The following SLCO2A1 variants were observed in gnomAD, a reference collection of about 807,000 sequenced individuals.
SLCO2A1 encodes solute carrier organic anion transporter family member 2A1, also known as matrin F/G 1.
A neutral mutation model predicts 71.7 loss-of-function variants in SLCO2A1; 60 were observed. That is an observed-to-expected ratio of 0.84 (90% CI 0.68 to 1.04). SLCO2A1 has a LOEUF of 1.04. Among genes scored for constraint, SLCO2A1 ranks in the 50% least tolerant of loss-of-function variants. SLCO2A1 has a pLI of 0.00. For missense variants in SLCO2A1, 745 were observed against 813.4 expected (o/e 0.92, Z 1.02); for synonymous variants, 308 against 326.7 (o/e 0.94, Z 0.62).
intron 3 of SLCO2A1, among the ~76,000 whole-genome samples, chr3:133,959,994 C>T (rs1933997397): frequency 6.6e-6 from 1 of 152,224 alleles, no homozygotes; most frequent in Non-Finnish European, 1.5e-5. Flanking sequence ...GTGGCTCGCA[C>T]TTGTAGTCCC....
rs1933242179 is a variant in SLCO2A1, at chr3:133,935,368, G to A, written c.1814+406C>T. On this transcript the variant is annotated intron_variant, in intron 13 of 13. Transcript: ENST00000310926. ...TGAGGCAGGTTGGTCCCCCTGCCCT[G>A]GACCTCTGCCAGGAGCCATGATGTG... Among the ~76,000 whole-genome samples, 2 of 152,206 alleles carry A rather than the reference G, an allele frequency of 1.3e-5. 1 individual carries two copies. Among genetic ancestry groups the A allele is most frequent in the South Asian group, 4.1e-4 (2 of 4,830 alleles).
intron 1 of SLCO2A1, among the ~76,000 whole-genome samples, chr3:134,008,366 A>G (rs1164486886): frequency 1.3e-5 from 2 of 152,206 alleles, no homozygotes; most frequent in African/African-American, 2.4e-5. Context: ...CAGGAGGTCA[A>G]TAAGAATAAA....
At chr3:133,972,256 T>C (rs1042249460) in intron 3 of SLCO2A1, among the ~76,000 whole-genome samples, 2 of 152,084 alleles carry the variant, frequency 1.3e-5, no homozygotes, top group South Asian at 2.1e-4. Context: ...ATGTAAAAAA[T>C]GGGTTTGACA....
chr3:133,958,670 A>G (rs1022212854), intron 3 of SLCO2A1, among the ~76,000 whole-genome samples: 1 of 152,200 alleles, frequency 6.6e-6, no homozygotes, highest in Non-Finnish European at 1.5e-5. Context: ...CAACACGCAC[A>G]CTTCTCTGCT....
intron 1 of SLCO2A1, among the ~76,000 whole-genome samples, chr3:134,001,917 C>T (rs762954906): frequency 7.2e-5 from 11 of 152,160 alleles, no homozygotes; most frequent in Non-Finnish European, 1.5e-4. Context: ...GGCGAGTAGA[C>T]CACAGCGATC....
At chr3:133,975,812 C>A (rs531521978) in intron 2 of SLCO2A1, among the ~76,000 whole-genome samples, 15 of 152,196 alleles carry the variant, frequency 9.9e-5, no homozygotes, top group Non-Finnish European at 1.8e-4. Flanking sequence ...ATTGAATCAT[C>A]TCAAGAAGGT....
At chr3:133,995,643 G>A (rs1291823944) in intron 1 of SLCO2A1, among the ~76,000 whole-genome samples, 1 of 152,168 alleles carries the variant, frequency 6.6e-6, no homozygotes, top group Non-Finnish European at 1.5e-5. Flanking sequence ...CACCATGAGT[G>A]TTTAGGGCCC....
chr3:133,973,940 T>G, intron 2 of SLCO2A1, 115 bp from the exon 3 acceptor site: 2 of 1,058,738 alleles, frequency 1.9e-6, no homozygotes, highest in South Asian at 3.3e-5. Flanking sequence ...GGCTGCCCAG[T>G]GTCAGCTGGG....
chr3:133,986,145 A>T (rs1356664818), intron 1 of SLCO2A1, among the ~76,000 whole-genome samples: 1 of 152,264 alleles, frequency 6.6e-6, no homozygotes, highest in African/African-American at 2.4e-5. Flanking sequence ...TGTAAACTAG[A>T]TACCTCAATA....
At chr3:133,963,390 T>C (rs1383267088) in intron 3 of SLCO2A1, among the ~76,000 whole-genome samples, 2 of 152,076 alleles carry the variant, frequency 1.3e-5, no homozygotes, top group Non-Finnish European at 2.9e-5. Flanking sequence ...AGGGAATAAA[T>C]AGTAAGAGGG....
intron 1 of SLCO2A1, among the ~76,000 whole-genome samples, chr3:134,028,116 G>A (rs1268936298): frequency 2.0e-5 from 3 of 151,934 alleles, no homozygotes; most frequent in Non-Finnish European, 4.4e-5. Context: ...TTTATTTTAG[G>A]GAACCAGGGT....
At chr3:133,981,168 G>C (rs1280373961) in intron 1 of SLCO2A1, among the ~76,000 whole-genome samples, 1 of 152,188 alleles carries the variant, frequency 6.6e-6, no homozygotes, top group Non-Finnish European at 1.5e-5. Flanking sequence ...CTGACGCTTG[G>C]CATGGACCAG....
chr3:133,950,190 G>C (rs144649309), intron 6 of SLCO2A1, among the ~76,000 whole-genome samples: 2 of 152,118 alleles, frequency 1.3e-5, no homozygotes, highest in East Asian at 3.9e-4. Flanking sequence ...TTCAAACCCA[G>C]GTCTGCCTGA....
chr3:134,003,276 C>T (rs1216373993), intron 1 of SLCO2A1, among the ~76,000 whole-genome samples: 1 of 152,210 alleles, frequency 6.6e-6, no homozygotes, highest in Non-Finnish European at 1.5e-5. Flanking sequence ...CAGACATGAG[C>T]TCACCTACCT....
intron 1 of SLCO2A1, among the ~76,000 whole-genome samples, chr3:133,992,143 G>T (rs1934861743): frequency 6.6e-6 from 1 of 152,150 alleles, no homozygotes; most frequent in Non-Finnish European, 1.5e-5. Context: ...TCACTTGAAG[G>T]TCATCATATA....
chr3:133,944,272 T>A (rs1023689318), intron 10 of SLCO2A1, among the ~76,000 whole-genome samples: 3 of 152,304 alleles, frequency 2.0e-5, no homozygotes, highest in Admixed American at 6.5e-5. Context: ...CTTTCTAGAA[T>A]TATCCTGTGT....
chr3:134,022,514 G>A (rs1377797447), intron 1 of SLCO2A1, among the ~76,000 whole-genome samples: 3 of 152,152 alleles, frequency 2.0e-5, no homozygotes, highest in Admixed American at 6.5e-5. Flanking sequence ...AGTTAAAGAA[G>A]TATCATCCAG....
chr3:133,944,024 C>A (rs530220699), intron 10 of SLCO2A1, among the ~76,000 whole-genome samples: 6 of 152,228 alleles, frequency 3.9e-5, no homozygotes, highest in African/African-American at 7.2e-5. Context: ...TGCTCCCTGG[C>A]CAGCTGGGTG....
intron 1 of SLCO2A1, among the ~76,000 whole-genome samples, chr3:133,983,816 C>A (rs906974303): frequency 1.2e-4 from 18 of 152,208 alleles, no homozygotes; most frequent in African/African-American, 4.1e-4. Context: ...GGCTGTCATA[C>A]AGCTTTGGGA....
Sources: allele counts gnomAD v4.1 joint callset (sites outside exome capture counted in the v4.1 genomes callset), GRCh38; gene constraint gnomAD v4.1.1; transcripts MANE v1.5; gene names NCBI Gene and HGNC (gene_info 2026-07-23, HGNC 2026-07-21).